PDZD2: variants seen among roughly 807,000 people sequenced by gnomAD.
The protein encoded by PDZD2 is PDZ domain-containing protein 2.
Under a neutral mutation model 220.7 loss-of-function variants are expected in PDZD2, and 90 were observed. That is an observed-to-expected ratio of 0.41 (90% CI 0.34 to 0.49). PDZD2 has a LOEUF of 0.49. PDZD2 is among the 20% of genes least tolerant of loss of function. PDZD2 has a pLI of 0.28. For synonymous variants in PDZD2, 1,375 were observed against 1,450.5 expected (o/e 0.95, Z 1.18); for missense variants, 3,174 against 3,608.5 (o/e 0.88, Z 3.08).
Position 32,042,397 on chromosome 5 carries a change from A to G in PDZD2, c.1519+5055A>G, listed in dbSNP as rs566835041. Among the ~76,000 whole-genome samples, 6 of 147,836 alleles carry G rather than the reference A, an allele frequency of 4.1e-5. No homozygotes were observed. In the South Asian group the frequency reaches 1.1e-3, roughly 26 times the overall value. On this transcript the variant is annotated intron_variant, in intron 7 of 24. Coordinates refer to ENST00000438447, the MANE Select transcript of PDZD2 (RefSeq NM_178140.4). ...GTCAACATGGCAAAACCCCATCTCTACTAAAAATACAAAAAAAAAAAAAAA... is the reference window on the plus strand; with the variant it reads ...GTCAACATGGCAAAACCCCATCTCTGCTAAAAATACAAAAAAAAAAAAAAA...
At chr5:31,847,026 C>T (rs1416586833) in intron 2 of PDZD2, among the ~76,000 whole-genome samples, 1 of 152,158 alleles carries the variant, frequency 6.6e-6, no homozygotes, top group African/African-American at 2.4e-5. Context: ...GTCTGTTTCA[C>T]TCATGAATCA....
At chr5:31,650,010 A>G (rs1745291664) in intron 1 of PDZD2, among the ~76,000 whole-genome samples, 2 of 151,608 alleles carry the variant, frequency 1.3e-5, no homozygotes, top group African/African-American at 4.8e-5. Context: ...CTCAAAGTAG[A>G]GAAAAAGAAA....
chr5:31,934,369 G>A (rs1224936852), intron 2 of PDZD2, among the ~76,000 whole-genome samples: 2 of 151,976 alleles, frequency 1.3e-5, no homozygotes, highest in Non-Finnish European at 2.9e-5. Flanking sequence ...ACTTGCCTGG[G>A]GCTCCCTGCT....
chr5:31,814,869 G>A (rs999418280), intron 2 of PDZD2, among the ~76,000 whole-genome samples: 10 of 151,946 alleles, frequency 6.6e-5, no homozygotes, highest in South Asian at 2.1e-4. Flanking sequence ...AGAAAGGAGC[G>A]TATGGGTTAA....
chr5:31,999,871 G>A (rs1475797327), intron 4 of PDZD2, among the ~76,000 whole-genome samples: 1 of 152,210 alleles, frequency 6.6e-6, no homozygotes, highest in Non-Finnish European at 1.5e-5. Context: ...CTGGATGGGA[G>A]TTTCACTGAC....
chr5:32,085,332 T>G lies in PDZD2; in HGVS notation c.3683-1799T>G, dbSNP rs1348673604. Among the ~76,000 whole-genome samples the G allele has an allele frequency of 2.0e-5, 3 of 149,986 alleles. No homozygotes were observed. The East Asian group carries it at 5.8e-4, about 29-fold the overall frequency. On this transcript the variant is annotated intron_variant, in intron 19 of 24. Transcript: ENST00000438447. ...GGTACTTCAGTACATATATACATTG[T>G]GCAATGATTAAATCAGGGTAATTAG...
chr5:31,862,025 A>G (rs776457579), intron 2 of PDZD2, among the ~76,000 whole-genome samples: 35 of 151,466 alleles, frequency 2.3e-4, no homozygotes, highest in Middle Eastern at 3.2e-3. Flanking sequence ...GTGATATACA[A>G]TTGGTATTCA....
chr5:31,925,255 C>T (rs770214156), intron 2 of PDZD2, among the ~76,000 whole-genome samples: 9 of 151,846 alleles, frequency 5.9e-5, no homozygotes, highest in East Asian at 1.9e-4. Flanking sequence ...GGTACTGGTA[C>T]GAAAACAGGC....
chr5:32,037,568 G>A (rs1755656858), intron 7 of PDZD2, among the ~76,000 whole-genome samples: 1 of 152,166 alleles, frequency 6.6e-6, no homozygotes, highest in South Asian at 2.1e-4. Context: ...ACATTCCTGT[G>A]TGTCTCTGTG....
intron 1 of PDZD2, among the ~76,000 whole-genome samples, chr5:31,673,758 G>A (rs1376746911): frequency 1.3e-5 from 2 of 152,048 alleles, no homozygotes; most frequent in South Asian, 2.1e-4. Flanking sequence ...ATCATCTGAG[G>A]TCAGGAGTTC....
Position 32,088,108 on chromosome 5 carries a change from G to A in PDZD2, c.4660G>A (p.Asp1554Asn), listed in dbSNP as rs746582090. Residue 1554 changes from aspartate to asparagine, a missense_variant, in exon 20 of 25, where the codon GAT becomes AAT. Physicochemically the swap from Asp to Asn is conservative, Grantham distance 23 (BLOSUM62 1). Coordinates refer to ENST00000438447, the MANE Select transcript of PDZD2 (RefSeq NM_178140.4). The surrounding 1 kb of genome is among the most constrained non-coding windows in gnomAD (Gnocchi z 4.6). The part of the protein sequence containing the change: ...TEPSLSSMYG[D>N]AEDSSSDPES... ...GCCGTCTCTGTCATCCATGTATGGC[G>A]ATGCTGAGGATTCTTCTTCTGACCC... The A allele has an allele frequency of 4.3e-6, 7 of 1,614,070 alleles. No homozygotes were observed. The highest frequency in any genetic ancestry group is 4.0e-5 in the African/African-American group (3 of 74,928).
intron 2 of PDZD2, among the ~76,000 whole-genome samples, chr5:31,945,227 C>G (rs1746535649): frequency 6.6e-6 from 1 of 152,128 alleles, no homozygotes; most frequent in Non-Finnish European, 1.5e-5. Context: ...ACTTATGTCA[C>G]AGGCCAACTG....
chr5:32,072,764 C>T (rs1447592689), intron 17 of PDZD2, among the ~76,000 whole-genome samples: 2 of 152,184 alleles, frequency 1.3e-5, no homozygotes, highest in African/African-American at 2.4e-5. Context: ...CACTCAGTTA[C>T]TCAGTAAATG....
At chr5:31,796,287 C>G (rs1754019629) in intron 1 of PDZD2, among the ~76,000 whole-genome samples, 1 of 152,180 alleles carries the variant, frequency 6.6e-6, no homozygotes, top group African/African-American at 2.4e-5. Flanking sequence ...TGCTGTCTTT[C>G]TGGTTAGGGC....
At chr5:32,084,948 C>CTTT (rs745430355) in intron 19 of PDZD2, among the ~76,000 whole-genome samples, 12 of 94,474 alleles carry the variant, frequency 1.3e-4, no homozygotes, top group African/African-American at 3.4e-4. Flanking sequence ...ATTCTGTTGC[C>CTTT]TTTTTTTTTT....
At chr5:31,759,387 C>A (rs889491694) in intron 1 of PDZD2, among the ~76,000 whole-genome samples, 1 of 152,032 alleles carries the variant, frequency 6.6e-6, no homozygotes, top group African/African-American at 2.4e-5. Flanking sequence ...CTAAATTTTG[C>A]TTTAGCCTGA....
chr5:31,728,021 A>AAAG (rs1491491861), intron 1 of PDZD2, among the ~76,000 whole-genome samples: 1 of 148,412 alleles, frequency 6.7e-6, no homozygotes, highest in African/African-American at 2.5e-5. Flanking sequence ...AAAAAAAAAA[A>AAAG]GATCAGGCAG....
rs10708046 is a variant in PDZD2, at chr5:32,083,196, C to CA, written c.3683-3919dup. ...TCCTGTGCTTTTTTTGTCTTTTTGCCAAAAAAAAAAAAAAAATCCACTGTG... is the reference window on the plus strand; with the variant it reads ...TCCTGTGCTTTTTTTGTCTTTTTGCCAAAAAAAAAAAAAAAAATCCACTGTG... On this transcript the variant is annotated intron_variant, in intron 19 of 24. Coordinates refer to ENST00000438447, the MANE Select transcript of PDZD2 (RefSeq NM_178140.4). The surrounding 1 kb of genome is among the most constrained non-coding windows in gnomAD (Gnocchi z 4.1). Among the ~76,000 whole-genome samples, 27,967 of 129,700 alleles carry CA rather than the reference C, an allele frequency of 0.22. 3,119 individuals are homozygous for CA. Among genetic ancestry groups the CA allele is most frequent in the South Asian group, 0.52 (2,247 of 4,312 alleles). The allele number at this position is 129,700 out of a possible 152,430, so 85.1% of individuals were successfully genotyped here.
chr5:32,041,381 T>C (rs932322728), intron 7 of PDZD2, among the ~76,000 whole-genome samples: 1 of 151,028 alleles, frequency 6.6e-6, no homozygotes, highest in African/African-American at 2.4e-5. Flanking sequence ...ATGATGACGA[T>C]GGCAGTTTTG....
Sources: gnomAD v4.1 joint callset for allele counts (sites outside exome capture counted in the v4.1 genomes callset) on GRCh38, gnomAD v4.1.1 for gene constraint, Gnocchi (gnomAD v3.1) non-coding constraint, MANE v1.5 for transcripts, NCBI Gene and HGNC (gene_info 2026-07-23, HGNC 2026-07-21) for gene names.